SLC24A4: variants seen among roughly 807,000 people sequenced by gnomAD.
SLC24A4 encodes solute carrier family 24 member 4.
Under a neutral mutation model 79.0 loss-of-function variants are expected in SLC24A4, and 53 were observed. The observed-to-expected ratio is 0.67, with a 90% CI of 0.54 to 0.84. The LOEUF (loss-of-function observed/expected upper bound fraction) is 0.84. Among genes scored for constraint, SLC24A4 ranks in the 40% least tolerant of loss-of-function variants. The pLI is 0.00. For missense variants in SLC24A4, 731 were observed against 822.0 expected, an observed-to-expected ratio of 0.89 and a Z score of 1.35; for synonymous variants, 323 against 323.8, an observed-to-expected ratio of 1.00 and a Z score of 0.03.
intron 2 of SLC24A4, among the ~76,000 whole-genome samples, chr14:92,370,221 G>A (rs554040226): frequency 6.6e-6 from 1 of 152,162 alleles, no homozygotes; most frequent in African/African-American, 2.4e-5. Context: ...AAAGGATTGA[G>A]ATAAAATAGA....
At chr14:92,385,840 A>C (rs984965893) in intron 2 of SLC24A4, among the ~76,000 whole-genome samples, 5 of 152,220 alleles carry the variant, frequency 3.3e-5, no homozygotes, top group Non-Finnish European at 5.9e-5. Flanking sequence ...CCCCCATCCC[A>C]GACCTTAATG....
intron 2 of SLC24A4, among the ~76,000 whole-genome samples, chr14:92,425,094 A>T (rs1201734532): frequency 2.0e-5 from 3 of 152,194 alleles, no homozygotes; most frequent in Non-Finnish European, 4.4e-5. Context: ...GTCTTATAAG[A>T]GGAGGAAGAG....
intron 14 of SLC24A4, 49 bp from the exon 15 acceptor site, chr14:92,491,616 C>A: frequency 2.4e-6 from 3 of 1,263,622 alleles, no homozygotes; most frequent in Non-Finnish European, 3.5e-6. Flanking sequence ...AGAATACAGG[C>A]TTCTGGTGAC....
At chr14:92,400,782 T>C (rs1890077637) in intron 2 of SLC24A4, among the ~76,000 whole-genome samples, 1 of 152,238 alleles carries the variant, frequency 6.6e-6, no homozygotes, top group South Asian at 2.1e-4. Flanking sequence ...CTGTTATCTT[T>C]GCCTTTTCTT....
At chr14:92,440,582 A>T (rs980457657) in intron 4 of SLC24A4, among the ~76,000 whole-genome samples, 1 of 152,012 alleles carries the variant, frequency 6.6e-6, no homozygotes, top group African/African-American at 2.4e-5. Flanking sequence ...GGAAGGTGAA[A>T]GGTGGGTGAC....
At chr14:92,471,555 GTTATA>G (rs1331546503) in intron 12 of SLC24A4, among the ~76,000 whole-genome samples, 1 of 152,166 alleles carries the variant, frequency 6.6e-6, no homozygotes, top group African/African-American at 2.4e-5. Flanking sequence ...GTTGACCCTT[GTTATA>G]TTATACACCC....
chr14:92,350,198 C>CT (rs1253116599), intron 2 of SLC24A4, among the ~76,000 whole-genome samples: 2 of 152,094 alleles, frequency 1.3e-5, no homozygotes, highest in Non-Finnish European at 2.9e-5. Flanking sequence ...CGGTTAAGTT[C>CT]TTTTTTTGGG....
intron 2 of SLC24A4, among the ~76,000 whole-genome samples, chr14:92,400,300 A>G (rs149159760): frequency 0.017 from 2,545 of 152,014 alleles, 59 homozygotes; most frequent in African/African-American, 0.049. Context: ...CTAGCTGGGC[A>G]TGGTGGCATG....
At chr14:92,361,898 G>A (rs1457137183) in intron 2 of SLC24A4, among the ~76,000 whole-genome samples, 18 of 152,264 alleles carry the variant, frequency 1.2e-4, no homozygotes, top group Non-Finnish European at 2.1e-4. Context: ...TCAGAGGAAC[G>A]GAACCTGGAT....
chr14:92,418,709 T>C (rs1243506043), intron 2 of SLC24A4, among the ~76,000 whole-genome samples: 1 of 152,138 alleles, frequency 6.6e-6, no homozygotes, highest in African/African-American at 2.4e-5. Flanking sequence ...TTTTGTTTTT[T>C]GTTTTGTTTT....
Position 92,441,312 on chromosome 14 carries a change from G to A in SLC24A4, c.394-777G>A, listed in dbSNP as rs568553800. ...TCTCCAAACATCCAAAGCCTCCAGC[G>A]CTGCATTTCGGATCAGAGGATGGGC... On this transcript the variant is annotated intron_variant, in intron 4 of 16. Transcript: ENST00000532405. This position sits in a 1 kb window ranked among gnomAD's most constrained non-coding sequence, Gnocchi z 4.6. Among the ~76,000 whole-genome samples the A allele has an allele frequency of 4.6e-5, 7 of 152,290 alleles. No homozygotes were observed. The highest frequency in any genetic ancestry group is 1.0e-4 in the Non-Finnish European group (7 of 68,028).
Position 92,491,783 on chromosome 14 carries a change from T to C in SLC24A4, c.1650+6T>C, listed in dbSNP as rs1190816775. On this transcript the variant is annotated splice_donor_region_variant and intron_variant, in intron 15 of 16. Transcript: ENST00000532405. ...TTGTTAATTATGGATCAACAGTAAG[T>C]TCCTCTCACCTTTAACAGATGTGTT... The C allele has an allele frequency of 6.3e-7, 1 of 1,598,408 alleles. No individual in the cohort carries two copies. Among genetic ancestry groups the C allele is most frequent in the South Asian group, 1.1e-5 (1 of 90,796 alleles).
chr14:92,350,019 A>G (rs901317037), intron 2 of SLC24A4, among the ~76,000 whole-genome samples: 3 of 152,238 alleles, frequency 2.0e-5, no homozygotes, highest in African/African-American at 7.2e-5. Context: ...GGGGCTGACC[A>G]TGGAAGTCTT....
At chr14:92,354,024 A>T (rs985086476) in intron 2 of SLC24A4, among the ~76,000 whole-genome samples, 4 of 152,144 alleles carry the variant, frequency 2.6e-5, no homozygotes, top group Non-Finnish European at 5.9e-5. Flanking sequence ...TGTCCCTCCC[A>T]TGAGGGTGGC....
intron 2 of SLC24A4, among the ~76,000 whole-genome samples, chr14:92,393,643 A>G (rs1023547695): frequency 2.0e-5 from 3 of 149,952 alleles, no homozygotes; most frequent in African/African-American, 7.4e-5. Flanking sequence ...TCCCAGACTC[A>G]AGTGATCCTC....
chr14:92,484,176 C>T lies in SLC24A4; in HGVS notation c.1422+1330C>T, dbSNP rs1895233322. 5.1e-6 allele frequency: 5 copies of T among 985,392 alleles called. No individual in the cohort carries two copies. In the African/African-American group the frequency reaches 7.0e-5, roughly 14 times the overall value. 61.0% of individuals were successfully genotyped at this position (985,392 alleles called of 1,614,324 possible). A position where few individuals can be genotyped will look rare whatever the true frequency, so the allele number is the denominator to read the frequency against. ...CTCCCCCCAACCCAATCACGCCTTCCCCCATCTCTCCCAGAGCATTACTGG... is the reference window on the plus strand; with the variant it reads ...CTCCCCCCAACCCAATCACGCCTTCTCCCATCTCTCCCAGAGCATTACTGG... On this transcript the variant is annotated intron_variant, in intron 13 of 16. Coordinates refer to ENST00000532405, the MANE Select transcript of SLC24A4 (RefSeq NM_153646.4).
At chr14:92,408,546 T>A in intron 2 of SLC24A4, 1 of 457,766 alleles carries the variant, frequency 2.2e-6, no homozygotes, top group Non-Finnish European at 2.9e-6. Flanking sequence ...CAGGTCTGTG[T>A]GGCTTGGGGA....
At chr14:92,491,884 C>A in intron 15 of SLC24A4, 107 bp downstream of exon 15, 2 of 850,552 alleles carry the variant, frequency 2.4e-6, no homozygotes, top group Non-Finnish European at 3.9e-6. Flanking sequence ...CTCCTTGGCA[C>A]TCAGACACCC....
chr14:92,449,140 C>G lies in SLC24A4; in HGVS notation c.804C>G (p.Val268=). ...AGAGCATTGCAAACGGTAACCCGGT[C>G]AACAGTGAGCTGGAGGCTGGTAATG... ...KQKSIANGNP[V]NSELEAGNDF... Residue 268 remains valine (V), a synonymous_variant, in exon 10 of 17, where the codon GTC becomes GTG. Coordinates refer to ENST00000532405, the MANE Select transcript of SLC24A4 (RefSeq NM_153646.4). 1 of 1,614,178 alleles carries G rather than the reference C, an allele frequency of 6.2e-7. No individual in the cohort carries two copies. Among genetic ancestry groups the G allele is most frequent in the Non-Finnish European group, 8.5e-7 (1 of 1,180,030 alleles).
Sources: allele counts gnomAD v4.1 joint callset (sites outside exome capture counted in the v4.1 genomes callset), GRCh38; gene constraint gnomAD v4.1.1; non-coding constraint Gnocchi (gnomAD v3.1); transcripts MANE v1.5; gene names NCBI Gene and HGNC (gene_info 2026-07-23, HGNC 2026-07-21).